Variants in PCSK9 observed in about 807,000 individuals in gnomAD.
The protein encoded by PCSK9 is convertase subtilisin/kexin type 9 preproprotein.
A neutral mutation model predicts 62.1 loss-of-function variants in PCSK9; 57 were observed. That is an observed-to-expected ratio of 0.92 (90% CI 0.74 to 1.14). PCSK9 has a LOEUF of 1.14. Ranked by LOEUF, PCSK9 falls within the 50% of genes most tolerant of loss-of-function variation. The probability of loss-of-function intolerance (pLI) is 0.00; values close to 1 mark genes in which losing one functional copy is unlikely to be tolerated. For missense variants in PCSK9, 870 were observed against 959.8 expected, an observed-to-expected ratio of 0.91 and a Z score of 1.24; for synonymous variants, 387 against 409.4, an observed-to-expected ratio of 0.95 and a Z score of 0.66.
Position 55,061,435 on chromosome 1 carries a change from C to A in PCSK9, c.1742C>A (p.Pro581Gln). ...LGTHKPPVLR[P>Q]RGQPNQCVGH... Reference sequence around the variant, plus strand: ...ACCCACAAGCCGCCTGTGCTGAGGCCACGAGGTCAGCCCAACCAGTGCGTG... The same window carrying A: ...ACCCACAAGCCGCCTGTGCTGAGGCAACGAGGTCAGCCCAACCAGTGCGTG... The change falls in exon 11 of 12, where the codon CCA becomes CAA. Residue 581 changes from proline (P) to glutamine (Q), a missense_variant. By Grantham distance (76) the Pro-to-Gln change is moderately conservative (BLOSUM62 -1). Transcript: ENST00000302118. 1.2e-6 allele frequency: 2 copies of A among 1,610,412 alleles called. No individual in the cohort carries two copies. The highest frequency in any genetic ancestry group is 1.7e-6 in the Non-Finnish European group (2 of 1,179,034).
intron 3 of PCSK9, among the ~76,000 whole-genome samples, chr1:55,048,886 T>A (rs1448518625): frequency 2.6e-5 from 4 of 152,262 alleles, no homozygotes; most frequent in Non-Finnish European, 4.4e-5. Flanking sequence ...GCTGTGATTT[T>A]AGCCCTGCAT....
chr1:55,059,584 C>T lies in PCSK9; in HGVS notation c.1602C>T (p.Cys534=). 1 of 1,553,788 alleles carries T rather than the reference C, an allele frequency of 6.4e-7. No homozygotes were observed. The highest frequency in any genetic ancestry group is 1.2e-5 in the South Asian group (1 of 84,250). Residue 534 remains cysteine (C), a synonymous_variant, in exon 10 of 12, where the codon TGC becomes TGT. Coordinates refer to ENST00000302118, the MANE Select transcript of PCSK9 (RefSeq NM_174936.4). ...GCTGCCTGCTACCCCAGGCCAACTGCAGCGTCCACACAGCTCCACCAGCTG... is the reference window on the plus strand; with the variant it reads ...GCTGCCTGCTACCCCAGGCCAACTGTAGCGTCCACACAGCTCCACCAGCTG... ...ARCCLLPQAN[C]SVHTAPPAEA... is the part of the protein sequence containing the mutation.
At chr1:55,058,355 C>A in intron 8 of PCSK9, 144 bp from the exon 9 acceptor site, 1 of 1,503,678 alleles carries the variant, frequency 6.7e-7, no homozygotes, top group Non-Finnish European at 9.1e-7. Flanking sequence ...TCTGAAAGGG[C>A]TGTGCAATAT....
At chr1:55,055,960 C>T (rs901171079) in intron 5 of PCSK9, 33 bp from the exon 6 acceptor site, 2 of 1,580,240 alleles carry the variant, frequency 1.3e-6, no homozygotes, top group Non-Finnish European at 1.7e-6. Flanking sequence ...AGCAGGTCTC[C>T]CCAAGGGGTG....
At chr1:55,050,314 G>A (rs1243321923) in intron 3 of PCSK9, among the ~76,000 whole-genome samples, 1 of 152,168 alleles carries the variant, frequency 6.6e-6, no homozygotes, top group African/African-American at 2.4e-5. Flanking sequence ...CTGCCCCTTC[G>A]ACATTCCATA....
In PCSK9 at chr1:55,046,505, CCT is replaced by C. The variant is rs1356063054; in HGVS notation, c.400-13_400-12del. The C allele has an allele frequency of 1.9e-6, 3 of 1,614,202 alleles. No individual in the cohort carries two copies. The highest frequency in any genetic ancestry group is 2.5e-6 in the Non-Finnish European group (3 of 1,180,042). On this transcript the variant is annotated splice_polypyrimidine_tract_variant and intron_variant, in intron 2 of 11. Coordinates refer to ENST00000302118, the MANE Select transcript of PCSK9 (RefSeq NM_174936.4). ...AAATGGCTTAAGCAGAGTCCCCCGG[CCT>C]CTCTGGCTTCTGCAGGCCTTGAAGT...
intron 1 of PCSK9, among the ~76,000 whole-genome samples, chr1:55,043,139 T>C (rs1364481109): frequency 6.6e-6 from 1 of 152,230 alleles, no homozygotes; most frequent in Non-Finnish European, 1.5e-5. Flanking sequence ...TCCCTTTTCC[T>C]TGTAAATTAC....
At chr1:55,043,379 G>A (rs974352845) in intron 1 of PCSK9, among the ~76,000 whole-genome samples, 6 of 152,196 alleles carry the variant, frequency 3.9e-5, no homozygotes, top group African/African-American at 9.7e-5. Flanking sequence ...CTGAGGCTCC[G>A]AGAGGTTGAG....
In PCSK9 at chr1:55,058,192, C is replaced by T. The variant is rs1458523433; in HGVS notation, c.1337C>T (p.Pro446Leu). 2.5e-6 allele frequency: 4 copies of T among 1,613,090 alleles called. No individual in the cohort carries two copies. Among genetic ancestry groups the T allele is most frequent in the Non-Finnish European group, 3.4e-6 (4 of 1,179,862 alleles). ...LTPNLVAALP[P>L]STHGAGWQLF... ...CCCAACCTGGTGGCCGCCCTGCCCCCCAGCACCCATGGGGCAGGTAAGCAG... is the reference window on the plus strand; with the variant it reads ...CCCAACCTGGTGGCCGCCCTGCCCCTCAGCACCCATGGGGCAGGTAAGCAG... The change falls in exon 8 of 12, where the codon CCC (proline) becomes CTC (leucine). Residue 446 changes from proline (P) to leucine (L), a missense_variant. Pro to Leu is a moderately conservative substitution (Grantham distance 98). Coordinates refer to ENST00000302118, the MANE Select transcript of PCSK9 (RefSeq NM_174936.4).
At chr1:55,052,600 T>C (rs1171267016) in intron 4 of PCSK9, 50 bp from the exon 5 acceptor site, 10 of 1,609,760 alleles carry the variant, frequency 6.2e-6, no homozygotes, top group African/African-American at 1.3e-5. Context: ...TGATTTGTTA[T>C]AGGGTGGAGG....
chr1:55,054,209 C>G (rs1322723211), intron 5 of PCSK9, among the ~76,000 whole-genome samples: 1 of 152,074 alleles, frequency 6.6e-6, no homozygotes, highest in Non-Finnish European at 1.5e-5. Flanking sequence ...CATGGTGAAA[C>G]CCCGTCTCTA....
In PCSK9 at chr1:55,046,646, G is replaced by T. The variant is rs150898485; in HGVS notation, c.523G>T (p.Asp175Tyr). 1.2e-6 allele frequency: 2 copies of T among 1,613,430 alleles called. No individual in the cohort carries two copies. The change falls in exon 3 of 12, where the codon GAC becomes TAC. Residue 175 changes from aspartate (D) to tyrosine (Y), a missense_variant and splice_region_variant. Asp to Tyr is a radical substitution (Grantham distance 160). Transcript: ENST00000302118. Reference sequence around the variant, plus strand: ...CCGGGCGGATGAATACCAGCCCCCCGGTAAGACCCCCATCTGTGCCCTGCC... The same window carrying T: ...CCGGGCGGATGAATACCAGCCCCCCTGTAAGACCCCCATCTGTGCCCTGCC... ...RYRADEYQPPDGGSLVEVYLL... is the reference protein window; with the variant it reads ...RYRADEYQPPYGGSLVEVYLL...
At chr1:55,057,610 AG>A in intron 7 of PCSK9, 96 bp downstream of exon 7, 2 of 1,413,816 alleles carry the variant, frequency 1.4e-6, no homozygotes. Flanking sequence ...GGCTCTGTGC[AG>A]GGGGACCAGA....
At chr1:55,043,245 T>TTTGTG (rs1644609077) in intron 1 of PCSK9, among the ~76,000 whole-genome samples, 2 of 152,358 alleles carry the variant, frequency 1.3e-5, no homozygotes, top group South Asian at 4.1e-4. Context: ...TTTGCTCACT[T>TTTGTG]AGTCATCCCT....
intron 6 of PCSK9, 66 bp downstream of exon 6, chr1:55,056,255 CG>C: frequency 6.7e-5 from 1 of 15,010 alleles, no homozygotes; most frequent in Non-Finnish European, 1.5e-4. Flanking sequence ...GGAGGGAGGG[CG>C]GGCGGGCAGG....
chr1:55,046,498 C>G, intron 2 of PCSK9, 25 bp from the exon 3 acceptor site: 1 of 1,614,162 alleles, frequency 6.2e-7, no homozygotes, highest in East Asian at 2.2e-5. Context: ...TAAGCAGAGT[C>G]CCCCGGCCTC....
chr1:55,062,950 G>T (rs1009179423), intron 11 of PCSK9, among the ~76,000 whole-genome samples: 2 of 152,060 alleles, frequency 1.3e-5, no homozygotes, highest in African/African-American at 4.8e-5. Flanking sequence ...GCTCAGGCTG[G>T]AGTCTGAAGG....
At position 55,043,922 on chromosome 1, in the gene PCSK9, G is replaced by A. The variant is rs766999045; in HGVS notation, c.287G>A (p.Arg96His). 1.6e-5 allele frequency: 26 copies of A among 1,614,154 alleles called. No homozygotes were observed. The highest frequency in any genetic ancestry group is 1.6e-4 in the Middle Eastern group (1 of 6,062). ...THLSQSERTA[R>H]RLQAQAARRG... The stretch of plus-strand genomic sequence containing the variant: ...CTCTCGCAGTCAGAGCGCACTGCCC[G>A]CCGCCTGCAGGCCCAGGCTGCCCGC... The change falls in exon 2 of 12, where the codon CGC becomes CAC. Residue 96 changes from arginine to histidine, a missense_variant. Transcript: ENST00000302118.
chr1:55,054,978 C>A (rs1180565179), intron 5 of PCSK9, among the ~76,000 whole-genome samples: 4 of 151,284 alleles, frequency 2.6e-5, no homozygotes, highest in Middle Eastern at 3.4e-3. Context: ...GCACTCCAGC[C>A]TGGGCAATAG....
Sources: allele counts gnomAD v4.1 joint callset (sites outside exome capture counted in the v4.1 genomes callset), GRCh38; gene constraint gnomAD v4.1.1; transcripts MANE v1.5; gene names NCBI Gene and HGNC (gene_info 2026-07-23, HGNC 2026-07-21).